The following FAM161A variants were observed in gnomAD, a reference collection of about 807,000 sequenced individuals.
FAM161A encodes the protein FAM161 centrosomal protein A.
Under a neutral mutation model 70.9 loss-of-function variants are expected in FAM161A, and 57 were observed. The observed-to-expected ratio is 0.80, with a 90% CI of 0.65 to 1.00. The LOEUF (loss-of-function observed/expected upper bound fraction) is 1.00. FAM161A is among the 50% of genes least tolerant of loss of function. The probability of loss-of-function intolerance (pLI) is 0.00; values close to 1 mark genes in which losing one functional copy is unlikely to be tolerated. For synonymous variants in FAM161A, 299 were observed against 295.7 expected (o/e 1.01, Z -0.12); for missense variants, 880 against 836.0 (o/e 1.05, Z -0.65).
chr2:61,833,425 C>CA (rs35987360), intron 5 of FAM161A, among the ~76,000 whole-genome samples: 22,299 of 110,406 alleles, frequency 0.2, 2,166 homozygotes, highest in Middle Eastern at 0.34. Flanking sequence ...GACTCTGTCT[C>CA]AAAAAAAAAA....
chr2:61,816,669 C>T, the FAM161A span, among the ~76,000 whole-genome samples: 5 of 152,060 alleles, frequency 3.3e-5, no homozygotes, highest in African/African-American at 1.2e-4. Context: ...GGGGGTCTTG[C>T]TATGTTGCCC....
chr2:61,809,506 T>C, the FAM161A span, among the ~76,000 whole-genome samples: 1 of 152,170 alleles, frequency 6.6e-6, no homozygotes, highest in South Asian at 2.1e-4. Context: ...GCATCTCCGT[T>C]AGCATGTCTA....
chr2:61,815,988 T>C, the FAM161A span, among the ~76,000 whole-genome samples: 6 of 152,214 alleles, frequency 3.9e-5, no homozygotes, highest in African/African-American at 1.4e-4. Flanking sequence ...TAGGCTTCTA[T>C]GGAAAATCAA....
the FAM161A span, among the ~76,000 whole-genome samples, chr2:61,805,651 A>C: frequency 3.2e-3 from 489 of 152,256 alleles, 2 homozygotes; most frequent in Non-Finnish European, 5.7e-3. Context: ...CAAACTGCAG[A>C]GTGAATGTTT....
intron 1 of FAM161A, among the ~76,000 whole-genome samples, chr2:61,853,338 A>G (rs13012672): frequency 0.19 from 28,237 of 152,048 alleles, 3,215 homozygotes; most frequent in East Asian, 0.33. Context: ...TACCCTAAAG[A>G]GCTGTTTAGG....
chr2:61,817,817 A>T, the FAM161A span, among the ~76,000 whole-genome samples: 1 of 151,970 alleles, frequency 6.6e-6, no homozygotes, highest in African/African-American at 2.4e-5. Context: ...AAAATTAAAA[A>T]TTAGCAGGTG....
At chr2:61,839,103 T>G (rs1425584227) in intron 3 of FAM161A, among the ~76,000 whole-genome samples, 1 of 151,860 alleles carries the variant, frequency 6.6e-6, no homozygotes, top group Non-Finnish European at 1.5e-5. Flanking sequence ...CAGGGTGGTC[T>G]TGAACTCCTG....
the FAM161A span, among the ~76,000 whole-genome samples, chr2:61,803,971 C>A: frequency 6.6e-6 from 1 of 152,156 alleles, no homozygotes; most frequent in East Asian, 1.9e-4. Context: ...AAAGCAAAAG[C>A]AAGTTTATTA....
chr2:61,803,466 G>A, the FAM161A span: 60 of 618,320 alleles, frequency 9.7e-5, 1 homozygote, highest in African/African-American at 7.6e-4. Flanking sequence ...GCAAAAAGCC[G>A]AAGGAGTAAA....
chr2:61,842,756 G>A (rs1207177826), intron 1 of FAM161A, among the ~76,000 whole-genome samples: 2 of 152,156 alleles, frequency 1.3e-5, no homozygotes, highest in Non-Finnish European at 2.9e-5. Context: ...TGTAAACCAG[G>A]CAACCACAGC....
chr2:61,843,830 A>G (rs948089859), intron 1 of FAM161A, among the ~76,000 whole-genome samples: 1 of 152,130 alleles, frequency 6.6e-6, no homozygotes, highest in African/African-American at 2.4e-5. Flanking sequence ...GGTAACTTAA[A>G]GAAAACAACT....
At position 61,842,298 on chromosome 2, in the gene FAM161A, A is replaced by G. The variant is rs777320853; in HGVS notation, c.246T>C (p.Phe82=). The G allele has an allele frequency of 1.2e-5, 20 of 1,608,500 alleles. No individual in the cohort carries two copies. Among genetic ancestry groups the G allele is most frequent in the African/African-American group, 2.7e-5 (2 of 74,770 alleles). Residue 82 remains phenylalanine (F), a synonymous_variant, in exon 2 of 7, where the codon TTT becomes TTC. Coordinates refer to ENST00000404929, the MANE Select transcript of FAM161A (RefSeq NM_001201543.2). Reference sequence around the variant, plus strand: ...AGTGGTGAATATCAGGAAAGTTCACAAAGTCCTCATAGCTTATCGGTGCAT... The same window carrying G: ...AGTGGTGAATATCAGGAAAGTTCACGAAGTCCTCATAGCTTATCGGTGCAT... ...DEHAPISYED[F]VNFPDIHHSN...
At chr2:61,843,747 C>A (rs1673103156) in intron 1 of FAM161A, among the ~76,000 whole-genome samples, 1 of 152,084 alleles carries the variant, frequency 6.6e-6, no homozygotes, top group South Asian at 2.1e-4. Flanking sequence ...CCACTGGAGG[C>A]TTCTCAGAAG....
At chr2:61,800,416 T>TG in the FAM161A span, among the ~76,000 whole-genome samples, 3 of 152,232 alleles carry the variant, frequency 2.0e-5, no homozygotes, top group Admixed American at 2.0e-4. Flanking sequence ...GCCAGGCTGC[T>TG]GCAGCTGCTC....
chr2:61,800,305 T>C, the FAM161A span, among the ~76,000 whole-genome samples: 2 of 152,226 alleles, frequency 1.3e-5, no homozygotes, highest in Non-Finnish European at 2.9e-5. Context: ...AATGTATCAG[T>C]CAGCATTGCG....
At chr2:61,820,375 G>A (rs1250663747), downstream of FAM161A, 1 of 756,662 alleles carries the variant, frequency 1.3e-6, no homozygotes, top group East Asian at 2.4e-5. Context: ...CTTTGGGTTT[G>A]TCACCTATGC....
downstream of FAM161A, among the ~76,000 whole-genome samples, chr2:61,823,362 C>CATATATATATATATATATATATAT (rs59631970): frequency 8.3e-4 from 99 of 119,996 alleles, 1 homozygote; most frequent in East Asian, 1.4e-3. Flanking sequence ...AATTTTCCAT[C>CATATATATATATATATATATATAT]ATATATATAT....
chr2:61,851,674 G>A (rs1372337234), intron 1 of FAM161A, among the ~76,000 whole-genome samples: 1 of 152,088 alleles, frequency 6.6e-6, no homozygotes, highest in Non-Finnish European at 1.5e-5. Flanking sequence ...CATATAACAG[G>A]ATATGTGGAC....
chr2:61,847,957 A>C (rs1442146959), intron 1 of FAM161A, among the ~76,000 whole-genome samples: 1 of 152,178 alleles, frequency 6.6e-6, no homozygotes, highest in Non-Finnish European at 1.5e-5. Flanking sequence ...CTCCCAAAAG[A>C]ATGAACCATG....
Sources: allele counts gnomAD v4.1 joint callset (sites outside exome capture counted in the v4.1 genomes callset), GRCh38; gene constraint gnomAD v4.1.1; transcripts MANE v1.5; gene names NCBI Gene and HGNC (gene_info 2026-07-23, HGNC 2026-07-21).